The following LPP variants were observed in gnomAD, a reference collection of about 807,000 sequenced individuals.
LPP encodes the protein lipoma-preferred partner.
In LPP, 38 loss-of-function variants were observed where a neutral mutation model predicts 60.4. That is an observed-to-expected ratio of 0.63 (90% confidence interval 0.49 to 0.83). The LOEUF (loss-of-function observed/expected upper bound fraction) is 0.83. LPP is among the 40% of genes least tolerant of loss of function. The pLI is 0.00. For missense variants in LPP, 902 were observed against 783.6 expected, an observed-to-expected ratio of 1.15 and a Z score of -1.80; for synonymous variants, 328 against 290.8, an observed-to-expected ratio of 1.13 and a Z score of -1.30.
intron 9 of LPP, among the ~76,000 whole-genome samples, chr3:188,792,504 C>G (rs1335356970): frequency 1.3e-5 from 2 of 152,116 alleles, no homozygotes; most frequent in Non-Finnish European, 2.9e-5. Context: ...TTAGAATTGC[C>G]CCTTCCCTCT....
intron 9 of LPP, among the ~76,000 whole-genome samples, chr3:188,847,354 CT>C (rs756205239): frequency 2.3e-4 from 35 of 152,242 alleles, no homozygotes; most frequent in Non-Finnish European, 2.6e-4. Flanking sequence ...GATGGATTTG[CT>C]GATTGTTTAG....
chr3:188,270,303 A>T (rs1236395447), intron 2 of LPP, among the ~76,000 whole-genome samples: 4 of 148,002 alleles, frequency 2.7e-5, no homozygotes, highest in African/African-American at 9.8e-5. Context: ...GTGTGTGTGG[A>T]CACACACACA....
At chr3:188,535,920 G>A (rs1823452597) in intron 6 of LPP, among the ~76,000 whole-genome samples, 1 of 151,816 alleles carries the variant, frequency 6.6e-6, no homozygotes, top group Admixed American at 6.6e-5. Flanking sequence ...GAAAGAAGTT[G>A]CTTACCGAAT....
At chr3:188,271,802 C>A (rs924837990) in intron 2 of LPP, among the ~76,000 whole-genome samples, 1 of 152,110 alleles carries the variant, frequency 6.6e-6, no homozygotes, top group African/African-American at 2.4e-5. Context: ...AGGAAGTTTC[C>A]ATTGGGTCTT....
chr3:188,692,065 C>T (rs1259777403), intron 7 of LPP, among the ~76,000 whole-genome samples: 4 of 152,134 alleles, frequency 2.6e-5, no homozygotes, highest in Admixed American at 2.6e-4. Context: ...TCAGCATAGC[C>T]CTTGCAGAGA....
intron 2 of LPP, among the ~76,000 whole-genome samples, chr3:188,288,811 A>ACCCCCCCCCCCCCCCCTCCCCCCCCC (rs140163187): frequency 2.9e-5 from 1 of 34,128 alleles, no homozygotes; most frequent in African/African-American, 1.5e-4. Flanking sequence ...CTCTCTCTCC[A>ACCCCCCCCCCCCCCCCTCCCCCCCCC]CCCCCCACCC....
Position 188,848,291 on chromosome 3 carries a change from G to C in LPP, c.1411-17909G>C, listed in dbSNP as rs1001385024. 2.6e-5 allele frequency among the ~76,000 whole-genome samples: 4 copies of C among 152,164 alleles called. No homozygotes were observed. In the South Asian group the frequency reaches 8.3e-4, roughly 31 times the overall value. Reference sequence around the variant, plus strand: ...CTTGTCTTATGAGTCTCCGGGTAGAGCTGAACTGGCTGCAGCTCCAATGAG... The same window carrying C: ...CTTGTCTTATGAGTCTCCGGGTAGACCTGAACTGGCTGCAGCTCCAATGAG... On this transcript the variant is annotated intron_variant, in intron 9 of 11. Transcript: ENST00000617246.
intron 2 of LPP, among the ~76,000 whole-genome samples, chr3:188,236,781 G>A (rs1722072823): frequency 6.6e-6 from 1 of 152,154 alleles, no homozygotes; most frequent in Non-Finnish European, 1.5e-5. Context: ...AGTGAGTCCT[G>A]CTTTTGCTGA....
At chr3:188,563,697 T>C (rs1351244148) in intron 6 of LPP, among the ~76,000 whole-genome samples, 1 of 151,292 alleles carries the variant, frequency 6.6e-6, no homozygotes, top group Non-Finnish European at 1.5e-5. Flanking sequence ...TACATGTGAA[T>C]CCAGAATTGG....
At chr3:188,326,081 A>G (rs1758350881) in intron 2 of LPP, among the ~76,000 whole-genome samples, 1 of 152,212 alleles carries the variant, frequency 6.6e-6, no homozygotes, top group African/African-American at 2.4e-5. Flanking sequence ...GTGTGCAGAC[A>G]CAGATCTTGG....
intron 9 of LPP, among the ~76,000 whole-genome samples, chr3:188,865,914 T>A (rs1766457260): frequency 6.6e-6 from 1 of 152,200 alleles, no homozygotes. Flanking sequence ...ACTTGCCACC[T>A]ACTACCTGAG....
intron 6 of LPP, among the ~76,000 whole-genome samples, chr3:188,598,056 C>T (rs1840332551): frequency 6.6e-6 from 1 of 152,084 alleles, no homozygotes; most frequent in South Asian, 2.1e-4. Context: ...GGCATCATTT[C>T]GTTTGAAATC....
At chr3:188,222,989 A>G (rs1440906226) in intron 1 of LPP, among the ~76,000 whole-genome samples, 2 of 152,204 alleles carry the variant, frequency 1.3e-5, no homozygotes, top group African/African-American at 4.8e-5. Flanking sequence ...TTTATGGGCA[A>G]CATGTGGAAG....
intron 4 of LPP, among the ~76,000 whole-genome samples, chr3:188,462,215 T>C (rs1799115207): frequency 6.6e-6 from 1 of 151,770 alleles, no homozygotes; most frequent in Non-Finnish European, 1.5e-5. Context: ...TTTGAAAAAC[T>C]AACTTTTAAA....
intron 3 of LPP, among the ~76,000 whole-genome samples, chr3:188,398,348 G>A (rs559416658): frequency 1.3e-5 from 2 of 152,326 alleles, no homozygotes; most frequent in South Asian, 4.1e-4. Context: ...TAGTGACTGA[G>A]CTAGATAGAA....
At chr3:188,583,240 A>C (rs1349682629) in intron 6 of LPP, among the ~76,000 whole-genome samples, 1 of 152,114 alleles carries the variant, frequency 6.6e-6, no homozygotes, top group East Asian at 1.9e-4. Flanking sequence ...GATGTTGCAT[A>C]CCTCTCTGGT....
intron 9 of LPP, among the ~76,000 whole-genome samples, chr3:188,770,310 T>A (rs2150666618): frequency 1.3e-5 from 2 of 150,356 alleles, no homozygotes; most frequent in Admixed American, 1.3e-4. Flanking sequence ...TCCCGAGTAG[T>A]TGGGACTACA....
intron 8 of LPP, among the ~76,000 whole-genome samples, chr3:188,747,334 A>AT (rs971556506): frequency 1.3e-5 from 2 of 152,160 alleles, no homozygotes; most frequent in African/African-American, 4.8e-5. Context: ...GAGCCAGTGG[A>AT]TTTTATTAGA....
intron 2 of LPP, among the ~76,000 whole-genome samples, chr3:188,239,615 C>G (rs2149432751): frequency 6.6e-6 from 1 of 152,096 alleles, no homozygotes; most frequent in East Asian, 1.9e-4. Flanking sequence ...TGGTTTCTAC[C>G]TTTGACATTT....
Sources: allele counts gnomAD v4.1 joint callset (sites outside exome capture counted in the v4.1 genomes callset), GRCh38; gene constraint gnomAD v4.1.1; transcripts MANE v1.5; gene names NCBI Gene and HGNC (gene_info 2026-07-23, HGNC 2026-07-21).